Variants in NT5C2 observed in about 807,000 individuals in gnomAD.
NT5C2 encodes the protein cytosolic purine 5'-nucleotidase.
Under a neutral mutation model 76.1 loss-of-function variants are expected in NT5C2, and 58 were observed. The ratio of observed to expected loss-of-function variants is 0.76; its 90% CI spans 0.62 to 0.95. NT5C2 has a LOEUF of 0.95. Among genes scored for constraint, NT5C2 ranks in the 40% least tolerant of loss-of-function variants. NT5C2 has a pLI of 0.00. For synonymous variants in NT5C2, 229 were observed against 237.4 expected (o/e 0.96, Z 0.32); for missense variants, 478 against 690.3 (o/e 0.69, Z 3.45).
chr10:103,186,350 C>T (rs1377625081), intron 1 of NT5C2, among the ~76,000 whole-genome samples: 2 of 152,196 alleles, frequency 1.3e-5, no homozygotes, highest in Admixed American at 1.3e-4. Context: ...TACTTGAAGC[C>T]TTAGCACAAT....
intron 3 of NT5C2, among the ~76,000 whole-genome samples, chr10:103,164,813 T>G (rs963793373): frequency 5.3e-5 from 8 of 152,246 alleles, no homozygotes; most frequent in Admixed American, 5.2e-4. Flanking sequence ...CTTATACTAT[T>G]TCAATAAATC....
At chr10:103,146,196 G>A (rs889248558) in intron 3 of NT5C2, 7 of 985,178 alleles carry the variant, frequency 7.1e-6, no homozygotes, top group East Asian at 1.1e-4. Context: ...TGTATCTTCC[G>A]AGACAGTGCT....
intron 3 of NT5C2, among the ~76,000 whole-genome samples, chr10:103,168,510 A>T (rs2134417381): frequency 6.6e-6 from 1 of 152,362 alleles, no homozygotes; most frequent in Non-Finnish European, 1.5e-5. Flanking sequence ...TATTAAACAA[A>T]AACTATTTAA....
At chr10:103,097,500 A>C in intron 10 of NT5C2, 126 bp from the exon 11 acceptor site, 1 of 720,152 alleles carries the variant, frequency 1.4e-6, no homozygotes, top group South Asian at 1.8e-5. Context: ...AGCTGATTTC[A>C]GAATTTTGCA....
intron 3 of NT5C2, among the ~76,000 whole-genome samples, chr10:103,171,545 T>G (rs191588569): frequency 6.6e-6 from 1 of 152,320 alleles, no homozygotes; most frequent in East Asian, 1.9e-4. Flanking sequence ...TACCAGCACC[T>G]GTACTTACTG....
At chr10:103,144,841 T>C (rs1464173249) in intron 3 of NT5C2, among the ~76,000 whole-genome samples, 4 of 152,234 alleles carry the variant, frequency 2.6e-5, no homozygotes, top group African/African-American at 7.2e-5. Flanking sequence ...TGTTTTCCTA[T>C]GAAGTTCTAC....
At chr10:103,106,271 C>T (rs1488097171) in intron 5 of NT5C2, among the ~76,000 whole-genome samples, 3 of 152,144 alleles carry the variant, frequency 2.0e-5, no homozygotes, top group Non-Finnish European at 4.4e-5. Context: ...TAGAGAAACA[C>T]GTACCTATTT....
chr10:103,180,021 G>A (rs2090776907), intron 2 of NT5C2, among the ~76,000 whole-genome samples: 1 of 152,134 alleles, frequency 6.6e-6, no homozygotes, highest in African/African-American at 2.4e-5. Context: ...AAAAGGACTT[G>A]TATCCAGAAT....
chr10:103,095,532 C>G (rs1370203605), intron 12 of NT5C2, among the ~76,000 whole-genome samples: 2 of 152,190 alleles, frequency 1.3e-5, no homozygotes, highest in African/African-American at 4.8e-5. Context: ...TTAGCAACAA[C>G]TAATACAAAA....
chr10:103,124,622 A>T (rs776323948), intron 4 of NT5C2, among the ~76,000 whole-genome samples: 5 of 151,982 alleles, frequency 3.3e-5, no homozygotes, highest in African/African-American at 9.7e-5. Flanking sequence ...ACCTTACACC[A>T]AAAGTTTATC....
At chr10:103,093,424 A>G (rs1341467372) in intron 14 of NT5C2, 115 bp from the exon 15 acceptor site, 2 of 912,244 alleles carry the variant, frequency 2.2e-6, no homozygotes, top group African/African-American at 3.5e-5. Flanking sequence ...GGAACAGACT[A>G]GGAAGAATAG....
chr10:103,147,523 T>C (rs890290700), intron 3 of NT5C2, among the ~76,000 whole-genome samples: 2 of 152,230 alleles, frequency 1.3e-5, no homozygotes, highest in African/African-American at 4.8e-5. Flanking sequence ...CTCATTACTT[T>C]TCTACTTAAT....
At chr10:103,171,637 ATTTCTAATTTCTTC>A (rs1378162416) in intron 3 of NT5C2, among the ~76,000 whole-genome samples, 2 of 152,230 alleles carry the variant, frequency 1.3e-5, no homozygotes. Flanking sequence ...TTAGGTGTAG[ATTTCTAATTTCTTC>A]TTAAAAATAA....
At chr10:103,140,946 G>A (rs936271396) in intron 3 of NT5C2, among the ~76,000 whole-genome samples, 7 of 152,120 alleles carry the variant, frequency 4.6e-5, no homozygotes, top group South Asian at 2.1e-4. Flanking sequence ...TACATGGTTC[G>A]CAAACAGTTT....
intron 12 of NT5C2, 135 bp from the exon 13 acceptor site, chr10:103,094,590 AG>A (rs1218343078): frequency 1.6e-6 from 1 of 636,206 alleles, no homozygotes; most frequent in African/African-American, 1.8e-5. Context: ...TTTTTTAAAA[AG>A]GTATTGTGTC....
intron 3 of NT5C2, among the ~76,000 whole-genome samples, chr10:103,169,824 A>C (rs907455939): frequency 5.3e-5 from 8 of 152,092 alleles, no homozygotes; most frequent in African/African-American, 1.7e-4. Context: ...CTAGAAAAAA[A>C]TTTTTTAAAT....
In NT5C2 at chr10:103,169,264, T is replaced by A. The variant is rs981855508; in HGVS notation, c.101+5594A>T. On this transcript the variant is annotated intron_variant, in intron 3 of 18. Transcript: ENST00000404739. ...TTTTGTCAATGTTTAAAAAGACATA[T>A]ACATATACACACACACATATATATA... The A allele has an allele frequency of 5.9e-5, 9 of 152,206 alleles. No individual in the cohort carries two copies. The South Asian group carries it at 1.7e-3, about 28-fold the overall frequency. 9.4% of individuals were successfully genotyped at this position (152,206 alleles called of 1,614,324 possible).
chr10:103,093,083 G>A, intron 15 of NT5C2, 56 bp downstream of exon 15: 1 of 1,403,406 alleles, frequency 7.1e-7, no homozygotes, highest in Non-Finnish European at 9.5e-7. Context: ...AAAGACGACT[G>A]ATTCAAAGCT....
chr10:103,096,123 T>G (rs2068092588), intron 11 of NT5C2, 143 bp from the exon 12 acceptor site: 1 of 634,086 alleles, frequency 1.6e-6, no homozygotes, highest in African/African-American at 1.9e-5. Flanking sequence ...TTTTATGAAA[T>G]CATGGCAGTG....
Sources: allele counts gnomAD v4.1 joint callset (sites outside exome capture counted in the v4.1 genomes callset), GRCh38; gene constraint gnomAD v4.1.1; transcripts MANE v1.5; gene names NCBI Gene and HGNC (gene_info 2026-07-23, HGNC 2026-07-21).